SORCS3: variants seen among roughly 807,000 people sequenced by gnomAD.
SORCS3 encodes the protein VPS10 domain-containing receptor SorCS3.
Under a neutral mutation model 146.3 loss-of-function variants are expected in SORCS3, and 57 were observed. The ratio of observed to expected loss-of-function variants is 0.39; its 90% confidence interval spans 0.31 to 0.49. The LOEUF (loss-of-function observed/expected upper bound fraction) is 0.49, where lower values mean the gene tolerates loss of function less well. Among genes scored for constraint, SORCS3 ranks in the 20% least tolerant of loss-of-function variants. SORCS3 has a pLI of 0.92. For synonymous variants in SORCS3, 653 were observed against 618.5 expected (o/e 1.06, Z -0.83); for missense variants, 1,341 against 1,575.5 (o/e 0.85, Z 2.52).
At chr10:105,145,144 G>C (rs2056122285) in intron 8 of SORCS3, among the ~76,000 whole-genome samples, 1 of 152,048 alleles carries the variant, frequency 6.6e-6, no homozygotes, top group Non-Finnish European at 1.5e-5. Context: ...AAGTCTGCAT[G>C]CTATTAAGAT....
intron 1 of SORCS3, among the ~76,000 whole-genome samples, chr10:104,650,803 C>T (rs115466060): frequency 1.3e-3 from 194 of 152,314 alleles, no homozygotes; most frequent in African/African-American, 4.4e-3. Context: ...TGGGACATTG[C>T]GGCTGTCTCT....
At chr10:104,902,096 A>G (rs1180122404) in intron 2 of SORCS3, among the ~76,000 whole-genome samples, 1 of 152,198 alleles carries the variant, frequency 6.6e-6, no homozygotes, top group African/African-American at 2.4e-5. Flanking sequence ...ACTGTGAAGC[A>G]TTGTTTTTGG....
chr10:105,009,233 G>A (rs187132691), intron 4 of SORCS3, among the ~76,000 whole-genome samples: 3 of 152,262 alleles, frequency 2.0e-5, no homozygotes, highest in Admixed American at 1.3e-4. Context: ...GCATGTCAGA[G>A]CCAAAGGAGA....
At chr10:104,843,277 G>A (rs1475583812) in intron 2 of SORCS3, among the ~76,000 whole-genome samples, 2 of 152,130 alleles carry the variant, frequency 1.3e-5, no homozygotes, top group African/African-American at 2.4e-5. Context: ...TGGTTCTTGA[G>A]AAGGCAGTAT....
At chr10:104,729,818 T>C (rs1038813255) in intron 1 of SORCS3, among the ~76,000 whole-genome samples, 1 of 152,154 alleles carries the variant, frequency 6.6e-6, no homozygotes, top group East Asian at 1.9e-4. Flanking sequence ...AACTTGGAGA[T>C]AAAACAAAAG....
At chr10:104,656,615 G>C (rs1047049562) in intron 1 of SORCS3, among the ~76,000 whole-genome samples, 1 of 152,024 alleles carries the variant, frequency 6.6e-6, no homozygotes, top group Admixed American at 6.6e-5. Flanking sequence ...AGTGAGCTGT[G>C]ATCATGCCAC....
At chr10:105,003,757 C>T (rs2055075876) in intron 4 of SORCS3, among the ~76,000 whole-genome samples, 1 of 152,086 alleles carries the variant, frequency 6.6e-6, no homozygotes, top group Non-Finnish European at 1.5e-5. Context: ...TGATTTATTC[C>T]ATGGGCTCCT....
intron 1 of SORCS3, among the ~76,000 whole-genome samples, chr10:104,672,156 G>A (rs925743484): frequency 7.9e-5 from 12 of 152,026 alleles, no homozygotes; most frequent in African/African-American, 2.9e-4. Flanking sequence ...TACTGTTATA[G>A]GTCTATTCTG....
At chr10:105,107,085 T>A (rs72817722) in intron 7 of SORCS3, among the ~76,000 whole-genome samples, 4,268 of 152,196 alleles carry the variant, frequency 0.028, 87 homozygotes, top group South Asian at 0.066. Context: ...GATCCCAACA[T>A]AGACATTCCA....
intron 14 of SORCS3, among the ~76,000 whole-genome samples, chr10:105,194,251 C>T (rs1161069405): frequency 6.6e-6 from 1 of 152,052 alleles, no homozygotes; most frequent in African/African-American, 2.4e-5. Flanking sequence ...TTAGTACGTA[C>T]CTTGATAAAA....
rs535552437 is a variant in SORCS3, at chr10:105,172,446, A to C, written c.1901+5097A>C. On this transcript the variant is annotated intron_variant, in intron 13 of 26. Coordinates refer to ENST00000369701, the MANE Select transcript of SORCS3 (RefSeq NM_014978.3). ...AGGGTCACATGGAAATCTTTATTCT[A>C]TCTGTATGTTATTCCCTTATTCTAT... is the stretch of plus-strand genomic sequence containing the variant. 9.2e-5 allele frequency among the ~76,000 whole-genome samples: 14 copies of C among 152,276 alleles called. No homozygotes were observed. In the South Asian group the frequency reaches 1.9e-3, roughly 20 times the overall value.
chr10:105,026,017 C>G (rs181591085), intron 4 of SORCS3, among the ~76,000 whole-genome samples: 72 of 152,220 alleles, frequency 4.7e-4, no homozygotes, highest in African/African-American at 1.6e-3. Flanking sequence ...TCTCTCAAAC[C>G]CAACTTCAGT....
intron 5 of SORCS3, among the ~76,000 whole-genome samples, chr10:105,089,162 T>C (rs1187363141): frequency 6.6e-6 from 1 of 152,166 alleles, no homozygotes; most frequent in Admixed American, 6.5e-5. Flanking sequence ...ACCTTTAAGG[T>C]TTTCCATCTT....
intron 1 of SORCS3, among the ~76,000 whole-genome samples, chr10:104,775,626 A>G (rs964693457): frequency 2.5e-4 from 38 of 152,310 alleles, no homozygotes; most frequent in African/African-American, 7.7e-4. Context: ...GGGCCGTTCT[A>G]TAAAGACAGA....
intron 7 of SORCS3, among the ~76,000 whole-genome samples, chr10:105,120,585 A>G (rs754563432): frequency 6.6e-5 from 10 of 152,170 alleles, no homozygotes; most frequent in Non-Finnish European, 1.2e-4. Context: ...TCTACTGTGC[A>G]TGCCCCTTAT....
chr10:105,145,399 A>G (rs1197143693), intron 8 of SORCS3, among the ~76,000 whole-genome samples: 1 of 152,004 alleles, frequency 6.6e-6, no homozygotes, highest in Non-Finnish European at 1.5e-5. Context: ...AGCCCCGGGA[A>G]AGCATTAACC....
At chr10:105,243,768 A>T (rs1174272423) in intron 20 of SORCS3, among the ~76,000 whole-genome samples, 1 of 152,158 alleles carries the variant, frequency 6.6e-6, no homozygotes, top group African/African-American at 2.4e-5. Context: ...CCAGCCATCA[A>T]CCTCGTCATA....
intron 1 of SORCS3, among the ~76,000 whole-genome samples, chr10:104,681,062 C>A (rs1397154138): frequency 6.6e-6 from 1 of 152,196 alleles, no homozygotes; most frequent in South Asian, 2.1e-4. Flanking sequence ...GGGAAGAGGA[C>A]CAGCTTGCGC....
At chr10:104,737,549 A>G (rs1025676902) in intron 1 of SORCS3, among the ~76,000 whole-genome samples, 10 of 151,668 alleles carry the variant, frequency 6.6e-5, no homozygotes, top group Non-Finnish European at 1.5e-4. Context: ...GCATTTTTTC[A>G]TGTGTCTTTT....
Sources: allele counts gnomAD v4.1 joint callset (sites outside exome capture counted in the v4.1 genomes callset), GRCh38; gene constraint gnomAD v4.1.1; transcripts MANE v1.5; gene names NCBI Gene and HGNC (gene_info 2026-07-23, HGNC 2026-07-21).